ITGBL1: variants seen among roughly 807,000 people sequenced by gnomAD.
The protein encoded by ITGBL1 is integrin beta-like protein 1.
A neutral mutation model predicts 68.5 loss-of-function variants in ITGBL1; 51 were observed. The observed-to-expected ratio is 0.74, with a 90% CI of 0.59 to 0.94. The LOEUF is 0.94. ITGBL1 is among the 40% of genes least tolerant of loss of function. The pLI is 0.00. For missense variants in ITGBL1, 649 were observed against 647.4 expected, an observed-to-expected ratio of 1.00 and a Z score of -0.03; for synonymous variants, 209 against 227.3, an observed-to-expected ratio of 0.92 and a Z score of 0.72.
chr13:101,605,978 ATGTG>A (rs1417455797), intron 7 of ITGBL1, among the ~76,000 whole-genome samples: 3 of 146,852 alleles, frequency 2.0e-5, no homozygotes, highest in Admixed American at 1.4e-4. Context: ...ATATGCATAT[ATGTG>A]TATATATATG....
chr13:101,507,903 G>A (rs923978231), intron 2 of ITGBL1, among the ~76,000 whole-genome samples: 3 of 152,118 alleles, frequency 2.0e-5, no homozygotes, highest in African/African-American at 7.2e-5. Flanking sequence ...AGGGAGTATG[G>A]GAATGTAGTT....
At chr13:101,485,646 C>T (rs1162141824) in intron 2 of ITGBL1, among the ~76,000 whole-genome samples, 2 of 152,034 alleles carry the variant, frequency 1.3e-5, no homozygotes, top group African/African-American at 2.4e-5. Context: ...CAAAAAATTA[C>T]CTGGGCGTGG....
In ITGBL1 at chr13:101,556,609, G is replaced by A. The variant is rs1594888483; in HGVS notation, c.317-11090G>A. On this transcript the variant is annotated intron_variant, in intron 2 of 10. Transcript: ENST00000376180. The stretch of plus-strand genomic sequence containing the variant: ...ATTGTGCCATTGCACTCCAGCCTGG[G>A]CAACAAGAGGGAAATTCCGTCTCAA... 2.0e-5 allele frequency among the ~76,000 whole-genome samples: 3 copies of A among 152,166 alleles called. No homozygotes were observed. In the South Asian group the frequency reaches 6.2e-4, roughly 32 times the overall value.
At chr13:101,535,542 G>A (rs899104933) in intron 2 of ITGBL1, among the ~76,000 whole-genome samples, 3 of 152,190 alleles carry the variant, frequency 2.0e-5, no homozygotes, top group African/African-American at 7.2e-5. Flanking sequence ...TCTGACTTGA[G>A]AATCTAGGCT....
intron 2 of ITGBL1, among the ~76,000 whole-genome samples, chr13:101,540,156 G>C (rs1309655291): frequency 6.6e-6 from 1 of 152,010 alleles, no homozygotes; most frequent in South Asian, 2.1e-4. Flanking sequence ...GTATTGCCTA[G>C]GTTTTCTTCT....
intron 2 of ITGBL1, among the ~76,000 whole-genome samples, chr13:101,544,992 G>T (rs1566725222): frequency 1.3e-5 from 2 of 152,208 alleles, no homozygotes; most frequent in African/African-American, 4.8e-5. Flanking sequence ...CTGACCCCTT[G>T]TGCTTCCCGG....
chr13:101,461,185 A>G (rs2048312769), intron 2 of ITGBL1, among the ~76,000 whole-genome samples: 1 of 152,216 alleles, frequency 6.6e-6, no homozygotes, highest in South Asian at 2.1e-4. Flanking sequence ...ATTTATTTGT[A>G]TTACAAATTT....
intron 8 of ITGBL1, among the ~76,000 whole-genome samples, chr13:101,701,378 C>T (rs1036376690): frequency 6.6e-6 from 1 of 151,872 alleles, no homozygotes; most frequent in African/African-American, 2.4e-5. Context: ...ACTAAAAATA[C>T]AAAAATTAGC....
chr13:101,491,720 C>G (rs2048780939), intron 2 of ITGBL1, among the ~76,000 whole-genome samples: 1 of 152,116 alleles, frequency 6.6e-6, no homozygotes. Flanking sequence ...TGGTTTGCTG[C>G]ACCCATTAAC....
chr13:101,577,511 G>A (rs2050382644), intron 4 of ITGBL1, among the ~76,000 whole-genome samples: 1 of 151,966 alleles, frequency 6.6e-6, no homozygotes, highest in South Asian at 2.1e-4. Flanking sequence ...CTAACTCAAA[G>A]GTTTCTTAGT....
At chr13:101,560,951 T>C (rs578207729) in intron 2 of ITGBL1, among the ~76,000 whole-genome samples, 1 of 152,324 alleles carries the variant, frequency 6.6e-6, no homozygotes, top group South Asian at 2.1e-4. Flanking sequence ...GTGATTCCCA[T>C]TCTTACACTG....
intron 8 of ITGBL1, among the ~76,000 whole-genome samples, chr13:101,704,149 G>C (rs960387862): frequency 6.6e-6 from 1 of 152,184 alleles, no homozygotes; most frequent in Non-Finnish European, 1.5e-5. Flanking sequence ...CTTGGTGTCT[G>C]GTGTCTGTGA....
intron 2 of ITGBL1, among the ~76,000 whole-genome samples, chr13:101,536,301 T>C (rs2049575411): frequency 6.6e-6 from 1 of 152,030 alleles, no homozygotes; most frequent in Non-Finnish European, 1.5e-5. Context: ...TTTTAACTTC[T>C]AGACGCTTTC....
intron 2 of ITGBL1, among the ~76,000 whole-genome samples, chr13:101,467,273 G>A (rs1487285584): frequency 1.3e-5 from 2 of 152,144 alleles, no homozygotes; most frequent in East Asian, 1.9e-4. Context: ...TCAGTGGGAC[G>A]GGGATATTGA....
At chr13:101,654,093 G>A (rs1054917722) in intron 7 of ITGBL1, among the ~76,000 whole-genome samples, 1 of 151,794 alleles carries the variant, frequency 6.6e-6, no homozygotes, top group Non-Finnish European at 1.5e-5. Flanking sequence ...CTTTACAAGC[G>A]GAAGTAACAA....
At chr13:101,618,840 T>C (rs907363489) in intron 7 of ITGBL1, among the ~76,000 whole-genome samples, 3 of 152,152 alleles carry the variant, frequency 2.0e-5, no homozygotes, top group African/African-American at 7.2e-5. Flanking sequence ...GGCTTTTCCT[T>C]AGCAGTTTAA....
intron 6 of ITGBL1, among the ~76,000 whole-genome samples, chr13:101,592,637 A>G (rs1336363559): frequency 1.3e-5 from 2 of 152,084 alleles, no homozygotes; most frequent in Non-Finnish European, 2.9e-5. Flanking sequence ...ACTGACACCC[A>G]ACTGATTTTC....
At chr13:101,597,094 C>A (rs971703721) in intron 6 of ITGBL1, among the ~76,000 whole-genome samples, 1 of 152,052 alleles carries the variant, frequency 6.6e-6, no homozygotes, top group Non-Finnish European at 1.5e-5. Flanking sequence ...TGTCAATGTA[C>A]GCTCATCAGT....
intron 7 of ITGBL1, among the ~76,000 whole-genome samples, chr13:101,663,846 A>G (rs1343623153): frequency 6.6e-6 from 1 of 152,210 alleles, no homozygotes; most frequent in African/African-American, 2.4e-5. Context: ...AAAACCATGA[A>G]AGAACACCAC....
Sources: allele counts gnomAD v4.1 joint callset (sites outside exome capture counted in the v4.1 genomes callset), GRCh38; gene constraint gnomAD v4.1.1; transcripts MANE v1.5; gene names NCBI Gene and HGNC (gene_info 2026-07-23, HGNC 2026-07-21).